TCF25: variants seen among roughly 807,000 people sequenced by gnomAD.
The protein encoded by TCF25 is TCF25 ribosome quality control complex subunit.
Under a neutral mutation model 83.1 loss-of-function variants are expected in TCF25, and 41 were observed. The observed-to-expected ratio is 0.49, with a 90% CI of 0.38 to 0.64. TCF25 has a LOEUF of 0.64. TCF25 is among the 30% of genes least tolerant of loss of function. TCF25 has a pLI of 0.00. For missense variants in TCF25, 979 were observed against 914.5 expected, an observed-to-expected ratio of 1.07 and a Z score of -0.91; for synonymous variants, 458 against 365.0, an observed-to-expected ratio of 1.25 and a Z score of -2.90.
At chr16:89,895,629 C>T (rs537375966) in intron 8 of TCF25, among the ~76,000 whole-genome samples, 2 of 152,338 alleles carry the variant, frequency 1.3e-5, no homozygotes, top group East Asian at 3.9e-4. Flanking sequence ...GTTGTGTATC[C>T]ATCATTAGTT....
chr16:89,876,326 T>C (rs1019184599), intron 1 of TCF25, among the ~76,000 whole-genome samples: 1 of 152,240 alleles, frequency 6.6e-6, no homozygotes, highest in Non-Finnish European at 1.5e-5. Flanking sequence ...TTCTGTTAAA[T>C]AGCTCTTAAT....
At chr16:89,880,795 G>A (rs62052168) in intron 1 of TCF25, among the ~76,000 whole-genome samples, 10,031 of 152,236 alleles carry the variant, frequency 0.066, 532 homozygotes, top group East Asian at 0.25. Flanking sequence ...TGGAGATGGT[G>A]TAGATCCAAT....
intron 13 of TCF25, chr16:89,904,662 T>C (rs1247590475): frequency 1.7e-6 from 1 of 573,356 alleles, no homozygotes; most frequent in East Asian, 3.2e-5. Context: ...GGGCTCGCCC[T>C]GTGTGCACGC....
intron 1 of TCF25, chr16:89,878,398 C>G (rs997544783): frequency 2.1e-5 from 25 of 1,203,416 alleles, no homozygotes; most frequent in South Asian, 1.5e-4. Flanking sequence ...CCAGCCTGGC[C>G]GACATGGTGA....
At chr16:89,889,226 A>G in intron 5 of TCF25, 1 of 396,744 alleles carries the variant, frequency 2.5e-6, no homozygotes. Context: ...TTTATTTTTT[A>G]GAGACAGGGT....
chr16:89,885,856 A>C lies in TCF25; in HGVS notation c.438A>C (p.Gly146=). 4 of 1,610,380 alleles carry C rather than the reference A, an allele frequency of 2.5e-6. No homozygotes were observed. The highest frequency in any genetic ancestry group is 3.4e-6 in the Non-Finnish European group (4 of 1,176,742). ...KSSTGEASEN[G]LEDIDRILER... ...TGTTTTGGGGCTTTTAGGAAAACGG[A>C]CTAGAAGATATCGATCGCATCCTAG... is the stretch of plus-strand genomic sequence containing the variant. The change falls in exon 4 of 18, where the codon GGA becomes GGC. Residue 146 remains glycine (G), a synonymous_variant. Coordinates refer to ENST00000263346, the MANE Select transcript of TCF25 (RefSeq NM_014972.3).
At position 89,895,166 on chromosome 16, in the gene TCF25, T is replaced by G. The variant is rs748059798; in HGVS notation, c.928+29T>G. The G allele has an allele frequency of 3.8e-6, 6 of 1,595,266 alleles. No homozygotes were observed. In the South Asian group the frequency reaches 5.6e-5, roughly 15 times the overall value. The stretch of plus-strand genomic sequence containing the variant: ...AGGCAGAGCCCCCACCCCATTCCCC[T>G]CAGCTGTGGGAGCACCTCAAGCTAT... On this transcript the variant is annotated intron_variant, in intron 8 of 17. Coordinates refer to ENST00000263346, the MANE Select transcript of TCF25 (RefSeq NM_014972.3).
rs1208216240 is a variant in TCF25, at chr16:89,873,829, G to A, written c.162G>A (p.Glu54=). ...GGCGTCCCGGGGGCGCAGGGAAGGAGGGCGTCCGAGTCAACAACCGCTTCG... is the reference window on the plus strand; with the variant it reads ...GGCGTCCCGGGGGCGCAGGGAAGGAAGGCGTCCGAGTCAACAACCGCTTCG... ...GVRRPGGAGK[E]GVRVNNRFEL... The change falls in exon 1 of 18, where the codon GAG becomes GAA. Residue 54 remains glutamate (E), a synonymous_variant. Coordinates refer to ENST00000263346, the MANE Select transcript of TCF25 (RefSeq NM_014972.3). The A allele has an allele frequency of 1.3e-6, 2 of 1,579,030 alleles. No individual in the cohort carries two copies. The highest frequency in any genetic ancestry group is 1.7e-6 in the Non-Finnish European group (2 of 1,165,216).
Position 89,891,512 on chromosome 16 carries a change from C to G in TCF25, c.615-681C>G, listed in dbSNP as rs550406203. Reference sequence around the variant, plus strand: ...GTCTGTGCTGCCGCGGCTGCCACGCCCCACCTGTCTGGTGCCTGTGTGCTC... The same window carrying G: ...GTCTGTGCTGCCGCGGCTGCCACGCGCCACCTGTCTGGTGCCTGTGTGCTC... On this transcript the variant is annotated intron_variant, in intron 5 of 17. Transcript: ENST00000263346. Among the ~76,000 whole-genome samples the G allele has an allele frequency of 3.3e-3, 496 of 152,316 alleles. 2 individuals carry two copies. Among genetic ancestry groups the G allele is most frequent in the Non-Finnish European group, 4.5e-3 (308 of 68,034 alleles).
At chr16:89,908,592 C>T (rs2045224974) in intron 16 of TCF25, among the ~76,000 whole-genome samples, 2 of 55,282 alleles carry the variant, frequency 3.6e-5, no homozygotes, top group African/African-American at 5.6e-5. Context: ...CACCTCCCAG[C>T]TCCCGCCTCC....
intron 14 of TCF25, 86 bp downstream of exon 14, chr16:89,905,182 GAGA>G: frequency 6.9e-7 from 1 of 1,452,134 alleles, no homozygotes; most frequent in South Asian, 1.4e-5. Flanking sequence ...TTCGGGAGGC[GAGA>G]AGGGCTGTGA....
intron 2 of TCF25, among the ~76,000 whole-genome samples, chr16:89,884,311 G>A (rs1055755580): frequency 1.3e-5 from 2 of 152,188 alleles, no homozygotes; most frequent in Non-Finnish European, 2.9e-5. Context: ...GCCGACACAG[G>A]GAGGAATGAG....
At chr16:89,907,367 T>TCCTCCCAGCTCCCGGCTCCCC (rs1555619394) in intron 16 of TCF25, 45 bp downstream of exon 16, 1 of 1,114,064 alleles carries the variant, frequency 9.0e-7, no homozygotes, top group African/African-American at 2.2e-5. Context: ...CCCACCTCCC[T>TCCTCCCAGCTCCCGGCTCCCC]CCTCCCAGTT....
intron 13 of TCF25, 110 bp downstream of exon 13, chr16:89,904,315 G>A (rs1225169856): frequency 3.2e-6 from 4 of 1,266,958 alleles, no homozygotes; most frequent in Non-Finnish European, 4.5e-6. Flanking sequence ...AGCAGCAGGA[G>A]GGGCTGTGGT....
Position 89,887,706 on chromosome 16 carries a change from G to A in TCF25, c.603G>A (p.Leu201=), listed in dbSNP as rs1476523405. The A allele has an allele frequency of 2.5e-6, 4 of 1,590,424 alleles. No individual in the cohort carries two copies. Among genetic ancestry groups the A allele is most frequent in the South Asian group, 1.1e-5 (1 of 87,198 alleles). Residue 201 remains leucine (L), a synonymous_variant, in exon 5 of 18, where the codon CTG becomes CTA. Transcript: ENST00000263346. ...LKRYFGARAI[L]GEQRPRQRQR... is the part of the protein sequence containing the mutation. ...GGTATTTTGGTGCCCGGGCAATCCT[G>A]GGGGAGCAAAGGTAAGGTCCACAGT...
At chr16:89,905,310 C>G (rs539435445) in intron 14 of TCF25, among the ~76,000 whole-genome samples, 131 of 152,280 alleles carry the variant, frequency 8.6e-4, no homozygotes, top group Middle Eastern at 3.4e-3. Context: ...CGCAGGGTAC[C>G]GAGCTGCTGT....
intron 11 of TCF25, among the ~76,000 whole-genome samples, 153 bp downstream of exon 11, chr16:89,899,025 C>T (rs552490434): frequency 6.6e-6 from 1 of 152,296 alleles, no homozygotes; most frequent in East Asian, 1.9e-4. Context: ...TGTTTGTCTC[C>T]CTTGCCGCCT....
chr16:89,887,443 C>T (rs767153462), intron 4 of TCF25, among the ~76,000 whole-genome samples: 1 of 152,228 alleles, frequency 6.6e-6, no homozygotes, highest in Admixed American at 6.5e-5. Flanking sequence ...AGCGCCCTCA[C>T]GGCACAGTGA....
chr16:89,909,058 C>G, intron 16 of TCF25: 1 of 1,289,448 alleles, frequency 7.8e-7, no homozygotes, highest in Non-Finnish European at 1.0e-6. Context: ...AATGTACAAG[C>G]GCTTGCGTGT....
Sources: gnomAD v4.1 joint callset for allele counts (sites outside exome capture counted in the v4.1 genomes callset) on GRCh38, gnomAD v4.1.1 for gene constraint, MANE v1.5 for transcripts, NCBI Gene and HGNC (gene_info 2026-07-23, HGNC 2026-07-21) for gene names.